STARD13: variants seen among roughly 807,000 people sequenced by gnomAD.
STARD13 encodes stAR-related lipid transfer protein 13.
STARD13 carries 62 observed loss-of-function variants against 106.4 expected under a neutral mutation model. The observed-to-expected ratio is 0.58, with a 90% CI of 0.48 to 0.72. STARD13 has a LOEUF of 0.72. STARD13 is among the 30% of genes least tolerant of loss of function. The pLI is 0.00. For missense variants in STARD13, 1,387 were observed against 1,424.0 expected, an observed-to-expected ratio of 0.97 and a Z score of 0.42; for synonymous variants, 565 against 553.0, an observed-to-expected ratio of 1.02 and a Z score of -0.31.
intron 1 of STARD13, among the ~76,000 whole-genome samples, chr13:33,262,627 C>A (rs1298674543): frequency 7.1e-6 from 1 of 140,594 alleles, no homozygotes; most frequent in Non-Finnish European, 1.5e-5. Flanking sequence ...CCCTCCCACA[C>A]CACACCCAGA....
the STARD13 span, among the ~76,000 whole-genome samples, chr13:33,596,796 T>C: frequency 6.6e-6 from 1 of 152,218 alleles, no homozygotes; most frequent in Admixed American, 6.5e-5. Context: ...TATTTGTCTT[T>C]CTGTGCCTGG....
chr13:33,542,791 C>T, the STARD13 span, among the ~76,000 whole-genome samples: 1 of 152,238 alleles, frequency 6.6e-6, no homozygotes, highest in Non-Finnish European at 1.5e-5. Context: ...CTTCCCGTCT[C>T]CCCAGCGGCC....
At chr13:33,304,379 C>T (rs930196632) in intron 1 of STARD13, among the ~76,000 whole-genome samples, 5 of 152,096 alleles carry the variant, frequency 3.3e-5, no homozygotes, top group African/African-American at 1.2e-4. Flanking sequence ...ACTTTAAACT[C>T]TTGTAGGAAT....
intron 6 of STARD13, 152 bp downstream of exon 6, chr13:33,127,221 C>T (rs1566003521): frequency 3.5e-6 from 3 of 851,578 alleles, no homozygotes; most frequent in Non-Finnish European, 5.0e-6. Context: ...TGCATCGAGG[C>T]TACGGCAGAG....
Position 33,275,017 on chromosome 13 carries a change from C to T in STARD13, c.169+10453G>A, listed in dbSNP as rs147315448. On this transcript the variant is annotated intron_variant, in intron 1 of 13. Transcript: ENST00000336934. ...AGCTAGGAACACTTCCTGCCAAGGACTGTCTCTTTCACTGCTACAAGGTAA... is the reference window on the plus strand; with the variant it reads ...AGCTAGGAACACTTCCTGCCAAGGATTGTCTCTTTCACTGCTACAAGGTAA... Among the ~76,000 whole-genome samples, 256 of 152,240 alleles carry T rather than the reference C, an allele frequency of 1.7e-3. 3 individuals carry two copies. The highest frequency in any genetic ancestry group is 6.0e-3 in the African/African-American group (249 of 41,538).
intron 1 of STARD13, among the ~76,000 whole-genome samples, chr13:33,200,381 C>T (rs1266292307): frequency 6.6e-6 from 1 of 152,220 alleles, no homozygotes; most frequent in African/African-American, 2.4e-5. Flanking sequence ...GCAGGAGCTA[C>T]CGTGCCAGCC....
chr13:33,481,926 T>A, the STARD13 span, among the ~76,000 whole-genome samples: 1 of 146,226 alleles, frequency 6.8e-6, no homozygotes, highest in African/African-American at 2.5e-5. Flanking sequence ...GAGCTTGCAG[T>A]GAGCCGAGAT....
At chr13:33,536,411 C>T in the STARD13 span, among the ~76,000 whole-genome samples, 1 of 152,166 alleles carries the variant, frequency 6.6e-6, no homozygotes, top group East Asian at 1.9e-4. Context: ...ATAAAGAAAA[C>T]GAAGCTTAGG....
chr13:33,642,430 G>T, the STARD13 span, among the ~76,000 whole-genome samples: 1 of 152,228 alleles, frequency 6.6e-6, no homozygotes, highest in Admixed American at 6.5e-5. Flanking sequence ...AGGGAGAAGA[G>T]TCTGTGGCAA....
intron 1 of STARD13, among the ~76,000 whole-genome samples, chr13:33,175,384 A>G (rs1232057129): frequency 6.6e-6 from 1 of 152,198 alleles, no homozygotes; most frequent in Non-Finnish European, 1.5e-5. Context: ...TTGACCAGAC[A>G]ATTAGATAGA....
At position 33,126,123 on chromosome 13, in the gene STARD13, A is replaced by G; in HGVS notation, c.2040T>C (p.Ile680=). 1 of 1,614,124 alleles carries G rather than the reference A, an allele frequency of 6.2e-7. No individual in the cohort carries two copies. Among genetic ancestry groups the G allele is most frequent in the Non-Finnish European group, 8.5e-7 (1 of 1,180,024 alleles). Reference sequence around the variant, plus strand: ...TGCGTAGATATCTCAGTGCTTGCTGAATACTTTGAGGCAGGGGCTGTCCCG... The same window carrying G: ...TGCGTAGATATCTCAGTGCTTGCTGGATACTTTGAGGCAGGGGCTGTCCCG... ...QRTGQPLPQS[I]QQALRYLRSN... Residue 680 remains isoleucine, a synonymous_variant, in exon 7 of 14, where the codon ATT becomes ATC. Transcript: ENST00000336934.
At chr13:33,437,568 T>G in the STARD13 span, among the ~76,000 whole-genome samples, 1 of 152,194 alleles carries the variant, frequency 6.6e-6, no homozygotes, top group Non-Finnish European at 1.5e-5. Context: ...ACTTTACATT[T>G]TACAAACAGC....
intron 1 of STARD13, among the ~76,000 whole-genome samples, chr13:33,283,293 T>C (rs915955051): frequency 4.6e-5 from 7 of 152,178 alleles, no homozygotes; most frequent in Non-Finnish European, 1.0e-4. Flanking sequence ...GCACTCATTA[T>C]AAAAACTAAA....
At chr13:33,467,921 G>T in the STARD13 span, among the ~76,000 whole-genome samples, 6 of 152,168 alleles carry the variant, frequency 3.9e-5, no homozygotes, top group African/African-American at 1.4e-4. Flanking sequence ...TCACATTTTG[G>T]GAAATTCTTA....
the STARD13 span, among the ~76,000 whole-genome samples, chr13:33,364,943 G>A: frequency 6.6e-6 from 1 of 152,132 alleles, no homozygotes; most frequent in Non-Finnish European, 1.5e-5. Flanking sequence ...AAGAAAGGTA[G>A]CTGTTACATG....
At chr13:33,523,617 A>G in the STARD13 span, among the ~76,000 whole-genome samples, 11 of 152,164 alleles carry the variant, frequency 7.2e-5, no homozygotes, top group Admixed American at 2.6e-4. Flanking sequence ...AATTTAAAAG[A>G]TTCAAAAAAG....
chr13:33,253,165 A>T (rs143870632), intron 1 of STARD13, among the ~76,000 whole-genome samples: 1 of 152,312 alleles, frequency 6.6e-6, no homozygotes, highest in East Asian at 1.9e-4. Flanking sequence ...GTCCTGCTAA[A>T]AGGATAGTTT....
At chr13:33,183,329 C>T (rs1305781068) in intron 1 of STARD13, among the ~76,000 whole-genome samples, 3 of 152,196 alleles carry the variant, frequency 2.0e-5, no homozygotes, top group Non-Finnish European at 4.4e-5. Flanking sequence ...GACTTTCTTG[C>T]TCTGCATAAA....
In STARD13 at chr13:33,130,018, G is replaced by A. The variant is rs199932998; in HGVS notation, c.659C>T (p.Pro220Leu). 2.5e-4 allele frequency: 402 copies of A among 1,613,200 alleles called. No individual in the cohort carries two copies. The highest frequency in any genetic ancestry group is 2.9e-4 in the Non-Finnish European group (343 of 1,179,746). ...GACGAGTGGGGCATCCAGCATGACCGGGTTGTCTGTACAGCACTGGCCCGG... is the reference window on the plus strand; with the variant it reads ...GACGAGTGGGGCATCCAGCATGACCAGGTTGTCTGTACAGCACTGGCCCGG... Reference protein sequence around the residue: ...SQPGQCCTDNPVMLDAPLVSS... With the variant: ...SQPGQCCTDNLVMLDAPLVSS... The change falls in exon 5 of 14, where the codon CCG (proline) becomes CTG (leucine). Residue 220 changes from proline (P) to leucine (L), a missense_variant. Coordinates refer to ENST00000336934, the MANE Select transcript of STARD13 (RefSeq NM_178006.4). This position sits in a 1 kb window ranked among gnomAD's most constrained non-coding sequence, Gnocchi z 4.1.
Sources: gnomAD v4.1 joint callset for allele counts (sites outside exome capture counted in the v4.1 genomes callset) on GRCh38, gnomAD v4.1.1 for gene constraint, Gnocchi (gnomAD v3.1) non-coding constraint, MANE v1.5 for transcripts, NCBI Gene and HGNC (gene_info 2026-07-23, HGNC 2026-07-21) for gene names.